The following DENND2B variants were observed in gnomAD, a reference collection of about 807,000 sequenced individuals.
The protein encoded by DENND2B is DENN domain-containing protein 2B.
Under a neutral mutation model 116.0 loss-of-function variants are expected in DENND2B, and 32 were observed. The observed-to-expected ratio is 0.28, with a 90% CI of 0.21 to 0.37. The LOEUF is 0.37. DENND2B is among the 10% of genes least tolerant of loss of function. The pLI is 1.00. For missense variants in DENND2B, 1,276 were observed against 1,477.7 expected, an observed-to-expected ratio of 0.86 and a Z score of 2.24; for synonymous variants, 588 against 583.9, an observed-to-expected ratio of 1.01 and a Z score of -0.10.
Position 8,707,959 on chromosome 11 carries a change from C to A in DENND2B, c.2353-105G>T. On this transcript the variant is annotated intron_variant, in intron 11 of 19. Coordinates refer to ENST00000313726, the MANE Select transcript of DENND2B (RefSeq NM_213618.2). This position sits in a 1 kb window ranked among gnomAD's most constrained non-coding sequence, Gnocchi z 4.8. ...GAACGGAGGAGTAAGGACTGCCCTT[C>A]TAGTGGAGGAAGACTTTAAGCCTCC... 1 of 1,538,546 alleles carries A rather than the reference C, an allele frequency of 6.5e-7. No individual in the cohort carries two copies. The highest frequency in any genetic ancestry group is 8.7e-7 in the Non-Finnish European group (1 of 1,146,054).
chr11:8,836,507 C>T (rs375058267), intron 4 of DENND2B, among the ~76,000 whole-genome samples: 2 of 149,214 alleles, frequency 1.3e-5, no homozygotes, highest in African/African-American at 4.9e-5. Flanking sequence ...CTGCAACCTC[C>T]GCCTGCCAGG....
At chr11:8,804,547 C>CTTTTTT (rs58169547) in intron 1 of DENND2B, among the ~76,000 whole-genome samples, 12,334 of 129,514 alleles carry the variant, frequency 0.095, 1,095 homozygotes, top group East Asian at 0.21. Flanking sequence ...GCAGCTACTT[C>CTTTTTT]TTTTTTTTTT....
intron 1 of DENND2B, among the ~76,000 whole-genome samples, chr11:8,890,428 T>A (rs551248777): frequency 7.9e-5 from 12 of 152,120 alleles, no homozygotes; most frequent in African/African-American, 2.6e-4. Flanking sequence ...AGGCTTCAGA[T>A]GATCAAACTT....
chr11:8,710,448 C>T (rs1278384806), intron 11 of DENND2B, among the ~76,000 whole-genome samples: 1 of 152,042 alleles, frequency 6.6e-6, no homozygotes, highest in Admixed American at 6.5e-5. Flanking sequence ...TTGTCCCTCA[C>T]CTAATCTGAT....
intron 1 of DENND2B, among the ~76,000 whole-genome samples, chr11:8,799,440 CAG>C: frequency 6.6e-6 from 1 of 152,134 alleles, no homozygotes; most frequent in Non-Finnish European, 1.5e-5. Context: ...CCTCAATTCT[CAG>C]AACATACCAG....
At chr11:8,713,433 G>A (rs528658875) in intron 8 of DENND2B, among the ~76,000 whole-genome samples, 40 of 152,058 alleles carry the variant, frequency 2.6e-4, no homozygotes, top group Non-Finnish European at 4.6e-4. Context: ...AGGCTAGAGT[G>A]CAGTGGCATG....
At chr11:8,821,968 T>A (rs11042088) in intron 4 of DENND2B, among the ~76,000 whole-genome samples, 50,408 of 152,010 alleles carry the variant, frequency 0.33, 10,180 homozygotes, top group Non-Finnish European at 0.44. Flanking sequence ...ATTTTTTTAT[T>A]TTTTGTAGAC....
chr11:8,880,383 G>A (rs1046173333), intron 2 of DENND2B, among the ~76,000 whole-genome samples: 1 of 146,506 alleles, frequency 6.8e-6, no homozygotes, highest in African/African-American at 2.5e-5. Context: ...GTGTGTGTGT[G>A]TAGTTTTTAC....
At chr11:8,708,212 A>G in intron 11 of DENND2B, 2 of 1,237,676 alleles carry the variant, frequency 1.6e-6, no homozygotes, top group Non-Finnish European at 1.0e-6. Context: ...GGACCCCAGC[A>G]GATGGGAAGG....
intron 4 of DENND2B, among the ~76,000 whole-genome samples, chr11:8,817,405 C>T (rs1003135640): frequency 6.6e-6 from 1 of 152,038 alleles, no homozygotes; most frequent in African/African-American, 2.4e-5. Flanking sequence ...ACTTTGCTTG[C>T]ACAGCCTTCC....
chr11:8,699,519 C>T (rs2041104124), intron 14 of DENND2B, 129 bp from the exon 15 acceptor site: 4 of 893,932 alleles, frequency 4.5e-6, no homozygotes, highest in Non-Finnish European at 5.0e-6. Context: ...GTTCAGGGAC[C>T]CTGCAGACTG....
chr11:8,879,832 A>G (rs1024615208), intron 2 of DENND2B, among the ~76,000 whole-genome samples: 10 of 152,216 alleles, frequency 6.6e-5, no homozygotes, highest in Admixed American at 5.2e-4. Flanking sequence ...AGGAGATACC[A>G]ACTTCAGTCA....
At chr11:8,787,060 C>G (rs546515421) in intron 1 of DENND2B, 26 of 152,168 alleles carry the variant, frequency 1.7e-4, no homozygotes, top group African/African-American at 5.8e-4. Flanking sequence ...ACAGGAAAAC[C>G]AAGGCCCAAG....
chr11:8,802,168 G>C (rs1254934290), intron 1 of DENND2B, among the ~76,000 whole-genome samples: 1 of 151,686 alleles, frequency 6.6e-6, no homozygotes, highest in Non-Finnish European at 1.5e-5. Context: ...GGGTGTGGTG[G>C]TACACACCTG....
chr11:8,774,187 G>A, intron 1 of DENND2B: 1 of 985,460 alleles, frequency 1.0e-6, no homozygotes, highest in Non-Finnish European at 1.2e-6. Flanking sequence ...TTCACGTTGG[G>A]TTCTTGACAA....
chr11:8,862,817 G>T (rs1032467888), intron 2 of DENND2B, among the ~76,000 whole-genome samples: 1 of 152,130 alleles, frequency 6.6e-6, no homozygotes, highest in African/African-American at 2.4e-5. Flanking sequence ...CATATCCTGA[G>T]ATCTACCCCA....
chr11:8,894,754 T>G lies in DENND2B; in HGVS notation c.-255-13645A>C, dbSNP rs558255120. On this transcript the variant is annotated intron_variant, in intron 1 of 22. Transcript: ENST00000534127. ...CATTAAAAAGTCAGGAAACAACAGG[T>G]GCTGGAGAGGATGTGGAGAAATAGG... is the stretch of plus-strand genomic sequence containing the variant. Among the ~76,000 whole-genome samples, 213 of 152,028 alleles carry G rather than the reference T, an allele frequency of 1.4e-3. 1 individual carries two copies. Among genetic ancestry groups the G allele is most frequent in the African/African-American group, 4.9e-3 (203 of 41,452 alleles).
intron 1 of DENND2B, among the ~76,000 whole-genome samples, chr11:8,900,573 TG>T (rs956399382): frequency 1.3e-5 from 2 of 150,646 alleles, no homozygotes; most frequent in African/African-American, 4.9e-5. Flanking sequence ...CAGTCCAGCC[TG>T]GGTGGCAGAG....
chr11:8,695,406 C>A (rs542208300), intron 19 of DENND2B, 57 bp downstream of exon 19: 2 of 1,513,116 alleles, frequency 1.3e-6, no homozygotes, highest in Admixed American at 1.7e-5. Context: ...GAACACAAAT[C>A]TCCCAGCCCC....
Sources: gnomAD v4.1 joint callset for allele counts (sites outside exome capture counted in the v4.1 genomes callset) on GRCh38, gnomAD v4.1.1 for gene constraint, Gnocchi (gnomAD v3.1) non-coding constraint, MANE v1.5 for transcripts, NCBI Gene and HGNC (gene_info 2026-07-23, HGNC 2026-07-21) for gene names.